The following ARID1A variants were observed in gnomAD, a reference collection of about 807,000 sequenced individuals.
The protein encoded by ARID1A is AT-rich interaction domain 1A, also known as AT-rich interactive domain-containing protein 1A.
Under a neutral mutation model 212.6 loss-of-function variants are expected in ARID1A, and 20 were observed. The observed-to-expected ratio is 0.09, with a 90% CI of 0.07 to 0.14. The LOEUF is 0.14. ARID1A is among the 10% of genes least tolerant of loss of function. The probability of loss-of-function intolerance (pLI) is 1.00; values close to 1 mark genes in which losing one functional copy is unlikely to be tolerated. For missense variants in ARID1A, 2,587 were observed against 3,059.0 expected (o/e 0.85, Z 3.64); for synonymous variants, 1,376 against 1,222.1 (o/e 1.13, Z -2.63).
intron 1 of ARID1A, among the ~76,000 whole-genome samples, chr1:26,702,351 T>C (rs1280274098): frequency 6.6e-6 from 1 of 152,230 alleles, no homozygotes; most frequent in Non-Finnish European, 1.5e-5. Flanking sequence ...TTCCATTCTT[T>C]CTCTTCCTGG....
At chr1:26,704,512 A>T (rs1024224893) in intron 1 of ARID1A, among the ~76,000 whole-genome samples, 1 of 152,178 alleles carries the variant, frequency 6.6e-6, no homozygotes, top group African/African-American at 2.4e-5. Flanking sequence ...TTGATGGGTT[A>T]GGTAAGCCTG....
At chr1:26,708,995 G>T (rs2080422866) in intron 1 of ARID1A, among the ~76,000 whole-genome samples, 1 of 152,094 alleles carries the variant, frequency 6.6e-6, no homozygotes, top group South Asian at 2.1e-4. Context: ...GCGCCCAGCG[G>T]ATTATTGTCT....
chr1:26,720,885 A>AG (rs1290065030), intron 1 of ARID1A, among the ~76,000 whole-genome samples: 1 of 151,802 alleles, frequency 6.6e-6, no homozygotes, highest in African/African-American at 2.4e-5. Context: ...GAAAAAAAAA[A>AG]AAAGATTCCT....
intron 4 of ARID1A, among the ~76,000 whole-genome samples, chr1:26,734,417 T>C (rs2080709808): frequency 6.7e-6 from 1 of 150,254 alleles, no homozygotes; most frequent in Non-Finnish European, 1.5e-5. Context: ...GGGTTGGGAA[T>C]CTTAAGAACT....
rs2081107918 is a variant in ARID1A at position 26,773,812 on chromosome 1, T to C, written c.4015T>C (p.Tyr1339His). The change falls in exon 17 of 20, where the codon TAT becomes CAT. Residue 1339 changes from tyrosine (Y) to histidine (H), a missense_variant. Tyr to His is a moderately conservative substitution (Grantham distance 83). This residue lies in a region of ARID1A where 890 missense variants were observed against 1,098.2 expected (regional missense o/e 0.81). Coordinates refer to ENST00000324856, the MANE Select transcript of ARID1A (RefSeq NM_006015.6). ...QQQQQQRHDS[Y>H]GNQFSTQGTP... is the part of the protein sequence containing the mutation. ...CTTTGCCTCCTATAGACATGATTCC[T>C]ATGGCAATCAGTTCTCCACCCAAGG... is the stretch of plus-strand genomic sequence containing the variant. The C allele has an allele frequency of 6.2e-7, 1 of 1,614,170 alleles. No individual in the cohort carries two copies. The highest frequency in any genetic ancestry group is 1.3e-5 in the African/African-American group (1 of 75,036).
rs1365565405 is a variant in ARID1A at position 26,696,687 on chromosome 1, G to A, written c.284G>A (p.Gly95Asp). 4.5e-6 allele frequency: 6 copies of A among 1,330,206 alleles called. No homozygotes were observed. Among genetic ancestry groups the A allele is most frequent in the Middle Eastern group, 5.5e-4 (2 of 3,604 alleles). The allele number at this position is 1,330,206 out of a possible 1,614,324, so 82.4% of individuals were successfully genotyped here. A position where few individuals can be genotyped will look rare whatever the true frequency, so the allele number is the denominator to read the frequency against. ...GGGAGSGGGP[G>D]AEPDLKNSNG... The stretch of plus-strand genomic sequence containing the variant: ...GGAGCCGGCAGCGGCGGCGGGCCCG[G>A]CGCGGAGCCGGACCTGAAGAACTCG... The change falls in exon 1 of 20, where the codon GGC becomes GAC. Residue 95 changes from glycine to aspartate, a missense_variant. By Grantham distance (94) the Gly-to-Asp change is moderately conservative (BLOSUM62 -1). Coordinates refer to ENST00000324856, the MANE Select transcript of ARID1A (RefSeq NM_006015.6).
chr1:26,700,655 T>C (rs2080323828), intron 1 of ARID1A, among the ~76,000 whole-genome samples: 1 of 152,264 alleles, frequency 6.6e-6, no homozygotes, highest in African/African-American at 2.4e-5. Flanking sequence ...TTGGATTTTA[T>C]TGTAGAAGTT....
At chr1:26,740,054 G>A (rs939863753) in intron 4 of ARID1A, among the ~76,000 whole-genome samples, 1 of 151,326 alleles carries the variant, frequency 6.6e-6, no homozygotes, top group Non-Finnish European at 1.5e-5. Flanking sequence ...ACCTGGCTAC[G>A]TGTTGTCTGT....
At chr1:26,710,978 G>A (rs2080447858) in intron 1 of ARID1A, among the ~76,000 whole-genome samples, 1 of 152,144 alleles carries the variant, frequency 6.6e-6, no homozygotes, top group Non-Finnish European at 1.5e-5. Flanking sequence ...TGGAGGGTGA[G>A]AAGTCCAAGA....
chr1:26,746,857 C>T (rs1324880682), intron 4 of ARID1A, among the ~76,000 whole-genome samples: 1 of 152,108 alleles, frequency 6.6e-6, no homozygotes, highest in East Asian at 1.9e-4. Context: ...TATGGTAAAA[C>T]CCTATCTCTA....
intron 11 of ARID1A, chr1:26,770,839 A>T (rs1453914273): frequency 2.4e-6 from 1 of 425,496 alleles, no homozygotes; most frequent in African/African-American, 2.0e-5. Flanking sequence ...GTACTAAAAA[A>T]CCGGACTCTG....
intron 1 of ARID1A, among the ~76,000 whole-genome samples, chr1:26,712,096 A>AG (rs35538792): frequency 5.3e-5 from 8 of 152,010 alleles, no homozygotes; most frequent in Admixed American, 1.3e-4. Flanking sequence ...AGAAAAAAAA[A>AG]TAGGATCTTG....
Position 26,779,197 on chromosome 1 carries a change from G to C in ARID1A, c.5299G>C (p.Glu1767Gln), listed in dbSNP as rs1408637499. 22 of 1,610,578 alleles carry C rather than the reference G, an allele frequency of 1.4e-5. No individual in the cohort carries two copies. The highest frequency in any genetic ancestry group is 1.9e-5 in the Non-Finnish European group (22 of 1,177,770). Residue 1767 changes from glutamate (E) to glutamine (Q), a missense_variant, in exon 20 of 20, where the codon GAA (glutamate) becomes CAA (glutamine). Around this residue, in one of 11 missense-constraint regions of ARID1A, gnomAD observed 890 missense variants for 1,098.2 expected, o/e 0.81. Transcript: ENST00000324856. ...CATGGAGGGTGGGGAAGAAGAAGAA[G>C]AACTTCTAGGTCCTAAACTAGAAGA... Reference protein sequence around the residue: ...APMEGGEEEEELLGPKLEEEE... With the variant: ...APMEGGEEEEQLLGPKLEEEE...
chr1:26,768,098 A>G, intron 11 of ARID1A, 99 bp downstream of exon 11: 6 of 1,290,524 alleles, frequency 4.6e-6, no homozygotes, highest in Non-Finnish European at 6.5e-6. Flanking sequence ...CCACAGGGAC[A>G]TCATCCCCTC....
intron 4 of ARID1A, among the ~76,000 whole-genome samples, chr1:26,737,096 C>G (rs2124797998): frequency 6.6e-6 from 1 of 152,000 alleles, no homozygotes; most frequent in African/African-American, 2.4e-5. Context: ...TTGCCAATGC[C>G]CTCTACCTGT....
In ARID1A at chr1:26,781,876, C is replaced by G. The variant is rs1470448228; in HGVS notation, c.*1120C>G. 12 of 233,474 alleles carry G rather than the reference C, an allele frequency of 5.1e-5. No individual in the cohort carries two copies. Among genetic ancestry groups the G allele is most frequent in the African/African-American group, 2.0e-4 (9 of 45,366 alleles). 14.5% of individuals were successfully genotyped at this position (233,474 alleles called of 1,614,324 possible). ...TGTTTTGTTTTGTTTTCTTTCTAAT[C>G]GAGGTGTGAAAAAGTTCTAGGTTCA... On this transcript the variant is annotated 3_prime_UTR_variant, in exon 20 of 20. Coordinates refer to ENST00000324856, the MANE Select transcript of ARID1A (RefSeq NM_006015.6).
Position 26,729,704 on chromosome 1 carries a change from G to A in ARID1A, c.1191G>A (p.Gly397=), listed in dbSNP as rs1191450683. The A allele has an allele frequency of 2.5e-6, 4 of 1,614,242 alleles. No homozygotes were observed. Among genetic ancestry groups the A allele is most frequent in the Admixed American group, 1.7e-5 (1 of 60,034 alleles). ...MGKMRPQPYG[G]TNPYSQQQGP... ...AGATGAGACCTCAGCCATATGGCGG[G>A]ACTAACCCATACTCGCAGCAACAGG... The change falls in exon 2 of 20, where the codon GGG becomes GGA. Residue 397 remains glycine (G), a synonymous_variant. Coordinates refer to ENST00000324856, the MANE Select transcript of ARID1A (RefSeq NM_006015.6).
At chr1:26,716,088 C>T (rs549572055) in intron 1 of ARID1A, among the ~76,000 whole-genome samples, 4 of 151,872 alleles carry the variant, frequency 2.6e-5, no homozygotes, top group Admixed American at 6.6e-5. Context: ...TGCCCGTAAT[C>T]CCAGCTACTC....
Position 26,696,959 on chromosome 1 carries a change from AGCGGCG to A in ARID1A, c.564_569del (p.Gly190_Gly191del), listed in dbSNP as rs761157350. On this transcript the variant is annotated inframe_deletion, in exon 1 of 20. Coordinates refer to ENST00000324856, the MANE Select transcript of ARID1A (RefSeq NM_006015.6). ...AAGCCCTGGCCTGGCAGCGCTGCAG[AGCGGCG>A]GCGGCGGGGGCCTGGAGCCCTACGC... 2.0e-6 allele frequency: 3 copies of A among 1,464,088 alleles called. No individual in the cohort carries two copies. The highest frequency in any genetic ancestry group is 1.5e-5 in the African/African-American group (1 of 64,932). 90.7% of individuals were successfully genotyped at this position (1,464,088 alleles called of 1,614,324 possible). A position where few individuals can be genotyped will look rare whatever the true frequency, so the allele number is the denominator to read the frequency against.
Sources: allele counts gnomAD v4.1 joint callset (sites outside exome capture counted in the v4.1 genomes callset), GRCh38; gene constraint gnomAD v4.1.1; regional missense constraint gnomAD v4.1.1; transcripts MANE v1.5; gene names NCBI Gene and HGNC (gene_info 2026-07-23, HGNC 2026-07-21).